LUZP2: variants seen among roughly 807,000 people sequenced by gnomAD.
The protein encoded by LUZP2 is leucine zipper protein 2.
A neutral mutation model predicts 51.6 loss-of-function variants in LUZP2; 52 were observed. The observed-to-expected ratio is 1.01, with a 90% CI of 0.81 to 1.27. The LOEUF (loss-of-function observed/expected upper bound fraction) is 1.27. LUZP2 is among the 50% of genes most tolerant of loss of function. The pLI is 0.00. For synonymous variants in LUZP2, 154 were observed against 137.3 expected, an observed-to-expected ratio of 1.12 and a Z score of -0.85; for missense variants, 436 against 395.4, an observed-to-expected ratio of 1.10 and a Z score of -0.87.
At chr11:25,028,549 A>G (rs892167592) in intron 9 of LUZP2, among the ~76,000 whole-genome samples, 1 of 152,210 alleles carries the variant, frequency 6.6e-6, no homozygotes, top group African/African-American at 2.4e-5. Context: ...CAGAAAGACC[A>G]TCTTTGCACG....
chr11:25,010,506 C>T (rs1004223745), intron 9 of LUZP2, among the ~76,000 whole-genome samples: 1 of 151,900 alleles, frequency 6.6e-6, no homozygotes, highest in African/African-American at 2.4e-5. Flanking sequence ...CAAGATCACA[C>T]CAATGCACTC....
chr11:24,798,412 G>T (rs1233122184), intron 5 of LUZP2, among the ~76,000 whole-genome samples: 1 of 152,040 alleles, frequency 6.6e-6, no homozygotes, highest in African/African-American at 2.4e-5. Context: ...GCTCAGCGTG[G>T]TCTCTAATTC....
intron 5 of LUZP2, among the ~76,000 whole-genome samples, chr11:24,766,720 T>TATG (rs34430033): frequency 0.67 from 101,677 of 151,822 alleles, 34,168 homozygotes; most frequent in African/African-American, 0.71. Context: ...ATCAAATGAT[T>TATG]ATGTTTGAGA....
At chr11:24,812,661 G>T (rs1850055766) in intron 5 of LUZP2, among the ~76,000 whole-genome samples, 1 of 152,186 alleles carries the variant, frequency 6.6e-6, no homozygotes, top group African/African-American at 2.4e-5. Context: ...CTTCCTGTGA[G>T]TTTCCAAGGA....
chr11:24,817,700 G>T (rs1564933689), intron 5 of LUZP2, among the ~76,000 whole-genome samples: 1 of 151,900 alleles, frequency 6.6e-6, no homozygotes, highest in African/African-American at 2.4e-5. Flanking sequence ...TCTAATCTGT[G>T]GTTCAAGATG....
chr11:25,040,729 G>C (rs1401420704), intron 9 of LUZP2, among the ~76,000 whole-genome samples: 1 of 152,154 alleles, frequency 6.6e-6, no homozygotes, highest in Non-Finnish European at 1.5e-5. Context: ...ATGAGTTGTA[G>C]AGATGAAAGG....
intron 9 of LUZP2, among the ~76,000 whole-genome samples, chr11:25,048,849 A>AT (rs1315804943): frequency 3.3e-5 from 5 of 151,514 alleles, no homozygotes; most frequent in African/African-American, 4.8e-5. Context: ...TTATTTATTT[A>AT]TTATTATACC....
intron 5 of LUZP2, among the ~76,000 whole-genome samples, chr11:24,814,026 T>G (rs1850098283): frequency 6.6e-6 from 1 of 152,240 alleles, no homozygotes; most frequent in Non-Finnish European, 1.5e-5. Context: ...CACAGTGCCT[T>G]GTACACAGTG....
chr11:24,547,867 A>G (rs867719276), intron 1 of LUZP2, among the ~76,000 whole-genome samples: 4 of 152,102 alleles, frequency 2.6e-5, no homozygotes, highest in Non-Finnish European at 5.9e-5. Context: ...TCAATAAGCC[A>G]GAAAAAGAAA....
Position 24,976,621 on chromosome 11 carries a change from T to C in LUZP2, c.553T>C (p.Leu185=). The C allele has an allele frequency of 6.3e-7, 1 of 1,584,668 alleles. No homozygotes were observed. Among genetic ancestry groups the C allele is most frequent in the Non-Finnish European group, 8.6e-7 (1 of 1,168,348 alleles). The stretch of plus-strand genomic sequence containing the variant: ...GCAGCTTACTGATCTGGAACAAAAA[T>C]TAGCTGTAGCCAAAAATGAACTGGA... ...AQQLTDLEQK[L]AVAKNELEKA... The change falls in exon 8 of 12, where the codon TTA becomes CTA. Residue 185 remains leucine (L), a synonymous_variant. Coordinates refer to ENST00000336930, the MANE Select transcript of LUZP2 (RefSeq NM_001009909.4).
At chr11:24,845,774 T>G (rs2134209754) in intron 5 of LUZP2, among the ~76,000 whole-genome samples, 1 of 152,076 alleles carries the variant, frequency 6.6e-6, no homozygotes. Flanking sequence ...GCCATTCATG[T>G]AAGACATGAC....
chr11:24,759,688 G>A lies in LUZP2; in HGVS notation c.334-3558G>A, dbSNP rs926323360. Among the ~76,000 whole-genome samples, 14 of 152,134 alleles carry A rather than the reference G, an allele frequency of 9.2e-5. No homozygotes were observed. In the South Asian group the frequency reaches 2.9e-3, roughly 32 times the overall value. ...TCGTGACATAACTAAAGACAAATCT[G>A]TACAAAGCAAAATTTTCTGGAGCTA... On this transcript the variant is annotated intron_variant, in intron 4 of 11. Transcript: ENST00000336930.
intron 7 of LUZP2, among the ~76,000 whole-genome samples, chr11:24,926,381 A>ATATATATATACGTGTG (rs1854254950): frequency 1.6e-5 from 1 of 63,270 alleles, no homozygotes; most frequent in Admixed American, 1.7e-4. Context: ...ATACGTGTGT[A>ATATATATATACGTGTG]TATATATACG....
intron 1 of LUZP2, among the ~76,000 whole-genome samples, chr11:24,506,371 A>G (rs1473116484): frequency 6.6e-6 from 1 of 152,140 alleles, no homozygotes; most frequent in East Asian, 1.9e-4. Context: ...ATTATAAAAG[A>G]AACAAGAAAA....
At chr11:25,007,337 T>C (rs1204818166) in intron 9 of LUZP2, among the ~76,000 whole-genome samples, 3 of 152,212 alleles carry the variant, frequency 2.0e-5, no homozygotes, top group Non-Finnish European at 4.4e-5. Flanking sequence ...ATTTGGTGGC[T>C]CACACCTGTA....
intron 6 of LUZP2, among the ~76,000 whole-genome samples, chr11:24,912,955 T>C (rs1390597537): frequency 6.6e-6 from 1 of 152,212 alleles, no homozygotes; most frequent in Non-Finnish European, 1.5e-5. Context: ...AAAGGGCTTG[T>C]ATATCAACAC....
chr11:25,064,255 A>T (rs1172613090), intron 10 of LUZP2, among the ~76,000 whole-genome samples: 1 of 152,016 alleles, frequency 6.6e-6, no homozygotes, highest in South Asian at 2.1e-4. Context: ...ATTGGCATTC[A>T]TATTTAAAAC....
chr11:24,976,638 T>A lies in LUZP2; in HGVS notation c.570T>A (p.Asn190Lys), dbSNP rs771230258. 6.4e-6 allele frequency: 10 copies of A among 1,568,828 alleles called. No homozygotes were observed. The highest frequency in any genetic ancestry group is 1.7e-6 in the Non-Finnish European group (2 of 1,162,824). Residue 190 changes from asparagine to lysine, a missense_variant, in exon 8 of 12, where the codon AAT (asparagine) becomes AAA (lysine). Physicochemically the swap from Asn to Lys is moderately conservative, Grantham distance 94 (BLOSUM62 0). Transcript: ENST00000336930. ...AACAAAAATTAGCTGTAGCCAAAAA[T>A]GAACTGGAGAAAGCAGCTCTTGACA... ...DLEQKLAVAKNELEKAALDRE... is the reference protein window; with the variant it reads ...DLEQKLAVAKKELEKAALDRE...
intron 4 of LUZP2, among the ~76,000 whole-genome samples, chr11:24,741,993 A>G (rs1332462087): frequency 7.6e-6 from 1 of 132,158 alleles, no homozygotes. Context: ...TTATATATAA[A>G]TGTATATATT....
Sources: gnomAD v4.1 joint callset for allele counts (sites outside exome capture counted in the v4.1 genomes callset) on GRCh38, gnomAD v4.1.1 for gene constraint, MANE v1.5 for transcripts, NCBI Gene and HGNC (gene_info 2026-07-23, HGNC 2026-07-21) for gene names.